SRRM4: variants seen among roughly 807,000 people sequenced by gnomAD.
SRRM4 encodes serine/arginine repetitive matrix 4.
In SRRM4, 33 loss-of-function variants were observed where a neutral mutation model predicts 68.9. That is an observed-to-expected ratio of 0.48 (90% CI 0.36 to 0.64). The LOEUF is 0.64. SRRM4 is among the 30% of genes least tolerant of loss of function. The pLI, the probability that SRRM4 is intolerant of heterozygous loss-of-function variation, is 0.00. For missense variants in SRRM4, 817 were observed against 827.1 expected (o/e 0.99, Z 0.15); for synonymous variants, 318 against 318.8 (o/e 1.00, Z 0.03).
Position 119,158,933 on chromosome 12 carries a change from TAGC to T in SRRM4, c.*2138_*2140del, listed in dbSNP as rs1284910460. 2.0e-5 allele frequency: 3 copies of T among 151,822 alleles called. No homozygotes were observed. The highest frequency in any genetic ancestry group is 4.4e-5 in the Non-Finnish European group (3 of 68,014). The allele number at this position is 151,822 out of a possible 1,614,324, so 9.4% of individuals were successfully genotyped here. A position where few individuals can be genotyped will look rare whatever the true frequency, so the allele number is the denominator to read the frequency against. On this transcript the variant is annotated 3_prime_UTR_variant, in exon 13 of 13. Transcript: ENST00000267260. ...GATGACTGTCTCTCTTTCTCGCCAT[TAGC>T]AGTATTGAATTATTTATTTATACAG...
At chr12:119,019,320 C>CG (rs1256093867) in intron 1 of SRRM4, among the ~76,000 whole-genome samples, 2 of 152,290 alleles carry the variant, frequency 1.3e-5, no homozygotes, top group East Asian at 3.9e-4. Flanking sequence ...AACCATCCCC[C>CG]GGGTTGAAAT....
In SRRM4 at chr12:119,139,076, A is replaced by T. The variant is rs1048640517; in HGVS notation, c.772-6305A>T. Among the ~76,000 whole-genome samples, 3 of 152,234 alleles carry T rather than the reference A, an allele frequency of 2.0e-5. No homozygotes were observed. In the South Asian group the frequency reaches 6.2e-4, roughly 32 times the overall value. On this transcript the variant is annotated intron_variant, in intron 8 of 12. Transcript: ENST00000267260. ...AGAGAGAAACTCCCAATGCATGAAG[A>T]GGAGCTCTTCAAAGATGAATTATGA...
At chr12:119,144,765 C>T (rs561809726) in intron 8 of SRRM4, among the ~76,000 whole-genome samples, 12 of 151,678 alleles carry the variant, frequency 7.9e-5, no homozygotes, top group East Asian at 3.9e-4. Context: ...TGTCAGTTTG[C>T]GACCTTGACT....
intron 1 of SRRM4, among the ~76,000 whole-genome samples, chr12:119,034,629 G>A (rs61937964): frequency 6.6e-6 from 1 of 152,044 alleles, no homozygotes; most frequent in South Asian, 2.1e-4. Flanking sequence ...TTTTCGTAGT[G>A]TTTCCTTTAT....
Position 119,154,476 on chromosome 12 carries a change from G to A in SRRM4, c.1532+93G>A, listed in dbSNP as rs1954460350. The A allele has an allele frequency of 3.5e-6, 5 of 1,440,680 alleles. No individual in the cohort carries two copies. The highest frequency in any genetic ancestry group is 4.7e-6 in the Non-Finnish European group (5 of 1,054,304). The allele number at this position is 1,440,680 out of a possible 1,614,324, so 89.2% of individuals were successfully genotyped here. On this transcript the variant is annotated intron_variant, in intron 12 of 12. Transcript: ENST00000267260. The surrounding 1 kb of genome is among the most constrained non-coding windows in gnomAD (Gnocchi z 4.7). ...CCTCAGGCTCTCCCTAGGCCTCCTTGGGGCTGGGATTTAGGATTGTGCGAG... is the reference window on the plus strand; with the variant it reads ...CCTCAGGCTCTCCCTAGGCCTCCTTAGGGCTGGGATTTAGGATTGTGCGAG...
intron 1 of SRRM4, among the ~76,000 whole-genome samples, chr12:119,046,630 A>G (rs1441806367): frequency 2.6e-5 from 4 of 152,136 alleles, no homozygotes; most frequent in African/African-American, 4.8e-5. Context: ...CAGAATCAGA[A>G]CCCAGGTCTT....
chr12:119,115,451 A>C (rs978168205), intron 3 of SRRM4, among the ~76,000 whole-genome samples: 10 of 152,306 alleles, frequency 6.6e-5, no homozygotes, highest in African/African-American at 2.4e-4. Context: ...GAATCACAGC[A>C]AACTTCTGAG....
chr12:119,107,853 C>T (rs559209418), intron 2 of SRRM4, among the ~76,000 whole-genome samples: 1 of 152,260 alleles, frequency 6.6e-6, no homozygotes, highest in South Asian at 2.1e-4. Context: ...TTGCCTTCTG[C>T]TAGCTTTTGA....
At chr12:118,990,970 T>A (rs1953313005) in intron 1 of SRRM4, among the ~76,000 whole-genome samples, 1 of 152,108 alleles carries the variant, frequency 6.6e-6, no homozygotes, top group Non-Finnish European at 1.5e-5. Context: ...ACCCAGCTAA[T>A]TTTTGTATTT....
At chr12:119,118,199 G>A (rs905639907) in intron 4 of SRRM4, among the ~76,000 whole-genome samples, 1 of 152,206 alleles carries the variant, frequency 6.6e-6, no homozygotes, top group Non-Finnish European at 1.5e-5. Context: ...GGCCCCTGGA[G>A]GCAGGAAGTT....
At chr12:119,091,827 G>A (rs1385303060) in intron 1 of SRRM4, among the ~76,000 whole-genome samples, 1 of 152,058 alleles carries the variant, frequency 6.6e-6, no homozygotes, top group Admixed American at 6.6e-5. Context: ...TCCCCAGTCA[G>A]GATGTCTCCT....
At chr12:119,026,585 G>C (rs771906399) in intron 1 of SRRM4, among the ~76,000 whole-genome samples, 18 of 151,784 alleles carry the variant, frequency 1.2e-4, no homozygotes, top group Admixed American at 1.3e-4. Flanking sequence ...CTCTCACTCT[G>C]TTGCCCCAGC....
At chr12:119,151,493 A>C (rs1954439032) in intron 10 of SRRM4, among the ~76,000 whole-genome samples, 1 of 152,206 alleles carries the variant, frequency 6.6e-6, no homozygotes, top group Non-Finnish European at 1.5e-5. Flanking sequence ...AACATAATGA[A>C]TATCAGTTAT....
intron 10 of SRRM4, among the ~76,000 whole-genome samples, chr12:119,152,135 A>T (rs1954443299): frequency 6.6e-6 from 1 of 152,226 alleles, no homozygotes; most frequent in Non-Finnish European, 1.5e-5. Flanking sequence ...TCAACCCATA[A>T]ATTCAGGGAG....
intron 1 of SRRM4, among the ~76,000 whole-genome samples, chr12:119,067,382 G>A (rs925666843): frequency 6.6e-6 from 1 of 152,116 alleles, no homozygotes; most frequent in African/African-American, 2.4e-5. Context: ...CTTTTCATGA[G>A]TCTATCAGGT....
intron 9 of SRRM4, among the ~76,000 whole-genome samples, chr12:119,148,335 A>G (rs748911808): frequency 1.3e-5 from 2 of 152,224 alleles, no homozygotes; most frequent in Non-Finnish European, 2.9e-5. Flanking sequence ...CTCACACCCA[A>G]GCTTGACTGA....
chr12:119,110,855 C>T (rs1205571779), intron 2 of SRRM4, among the ~76,000 whole-genome samples: 1 of 152,194 alleles, frequency 6.6e-6, no homozygotes, highest in Non-Finnish European at 1.5e-5. Flanking sequence ...ATGAGATGAA[C>T]CCGGTACCTT....
At chr12:119,091,733 C>T (rs546562854) in intron 1 of SRRM4, among the ~76,000 whole-genome samples, 1 of 152,306 alleles carries the variant, frequency 6.6e-6, no homozygotes, top group East Asian at 1.9e-4. Flanking sequence ...TGGGTCTACT[C>T]ACTATGCACT....
chr12:119,067,459 C>T (rs942690447), intron 1 of SRRM4, among the ~76,000 whole-genome samples: 1 of 152,174 alleles, frequency 6.6e-6, no homozygotes, highest in African/African-American at 2.4e-5. Context: ...GTAATCCTAG[C>T]ACTTTGGGAG....
Sources: gnomAD v4.1 joint callset for allele counts (sites outside exome capture counted in the v4.1 genomes callset) on GRCh38, gnomAD v4.1.1 for gene constraint, Gnocchi (gnomAD v3.1) non-coding constraint, MANE v1.5 for transcripts, NCBI Gene and HGNC (gene_info 2026-07-23, HGNC 2026-07-21) for gene names.